KAT2B: variants seen among roughly 807,000 people sequenced by gnomAD.
The protein encoded by KAT2B is histone acetyltransferase KAT2B.
In KAT2B, 36 loss-of-function variants were observed where a neutral mutation model predicts 105.9. That is an observed-to-expected ratio of 0.34 (90% CI 0.26 to 0.45). KAT2B has a LOEUF of 0.45. Among genes scored for constraint, KAT2B ranks in the 20% least tolerant of loss-of-function variants. The pLI, the probability that KAT2B is intolerant of heterozygous loss-of-function variation, is 1.00. For missense variants in KAT2B, 820 were observed against 1,021.6 expected (o/e 0.80, Z 2.69); for synonymous variants, 397 against 377.9 (o/e 1.05, Z -0.59).
chr3:20,119,734 A>G lies in KAT2B; in HGVS notation c.1276+11A>G. The G allele has an allele frequency of 1.2e-6, 2 of 1,613,556 alleles. No individual in the cohort carries two copies. The highest frequency in any genetic ancestry group is 8.5e-7 in the Non-Finnish European group (1 of 1,179,662). ...TTGAGGCAAACCCAGGTAAGCTCTT[A>G]AGAGGGGATAAGAGAGGGCTGTGAC... is the stretch of plus-strand genomic sequence containing the variant. On this transcript the variant is annotated intron_variant, in intron 8 of 17. Coordinates refer to ENST00000263754, the MANE Select transcript of KAT2B (RefSeq NM_003884.5).
At position 20,146,435 on chromosome 3, in the gene KAT2B, G is replaced by T; in HGVS notation, c.2119+5G>T. On this transcript the variant is annotated splice_donor_5th_base_variant and intron_variant, in intron 14 of 17. Coordinates refer to ENST00000263754, the MANE Select transcript of KAT2B (RefSeq NM_003884.5). ...TAGAAAGCATTCCTGGAATTAGTAC[G>T]TATAGACCTTCTTTTAAAAGCGAAA... 3 of 1,527,016 alleles carry T rather than the reference G, an allele frequency of 2.0e-6. No individual in the cohort carries two copies. Among genetic ancestry groups the T allele is most frequent in the Non-Finnish European group, 2.7e-6 (3 of 1,114,532 alleles). 94.6% of individuals were successfully genotyped at this position (1,527,016 alleles called of 1,614,324 possible). A position where few individuals can be genotyped will look rare whatever the true frequency, so the allele number is the denominator to read the frequency against.
chr3:20,117,099 C>G (rs1263339020), intron 7 of KAT2B, among the ~76,000 whole-genome samples: 1 of 152,150 alleles, frequency 6.6e-6, no homozygotes, highest in Non-Finnish European at 1.5e-5. Flanking sequence ...TGTGTGAAAA[C>G]TCCCCTTGAC....
rs1575137159 is a variant in KAT2B, at chr3:20,106,677, C to T, written c.852-4919C>T. The stretch of plus-strand genomic sequence containing the variant: ...AATAACAATCTATGCTGTCTTCTAC[C>T]CTGGGAAGATTGAATAACCTGTTAA... On this transcript the variant is annotated intron_variant, in intron 5 of 17. Coordinates refer to ENST00000263754, the MANE Select transcript of KAT2B (RefSeq NM_003884.5). Among the ~76,000 whole-genome samples the T allele has an allele frequency of 2.0e-5, 3 of 151,922 alleles. No homozygotes were observed. In the South Asian group the frequency reaches 6.2e-4, roughly 32 times the overall value.
At chr3:20,044,075 A>G (rs1198366400) in intron 1 of KAT2B, among the ~76,000 whole-genome samples, 1 of 151,996 alleles carries the variant, frequency 6.6e-6, no homozygotes, top group Admixed American at 6.5e-5. Context: ...AAAAGAAAAA[A>G]AAAAAAGAAA....
chr3:20,040,665 C>T lies in KAT2B; in HGVS notation c.188C>T (p.Thr63Met), dbSNP rs1575098744. 2 of 1,532,054 alleles carry T rather than the reference C, an allele frequency of 1.3e-6. No individual in the cohort carries two copies. Among genetic ancestry groups the T allele is most frequent in the Non-Finnish European group, 1.7e-6 (2 of 1,145,752 alleles). 94.9% of individuals were successfully genotyped at this position (1,532,054 alleles called of 1,614,324 possible). ...GPATAVAAAG[T>M]AEGPGGGGSA... ...GCGACGGCAGTGGCTGCAGCGGGCACGGCCGAAGGACCGGGAGGCGGTGGC... is the reference window on the plus strand; with the variant it reads ...GCGACGGCAGTGGCTGCAGCGGGCATGGCCGAAGGACCGGGAGGCGGTGGC... The change falls in exon 1 of 18, where the codon ACG becomes ATG. Residue 63 changes from threonine to methionine, a missense_variant. Coordinates refer to ENST00000263754, the MANE Select transcript of KAT2B (RefSeq NM_003884.5).
At chr3:20,108,498 A>C (rs949862639) in intron 5 of KAT2B, among the ~76,000 whole-genome samples, 2 of 152,218 alleles carry the variant, frequency 1.3e-5, no homozygotes, top group African/African-American at 4.8e-5. Context: ...GACCACATAT[A>C]ATGACAGTAG....
intron 1 of KAT2B, among the ~76,000 whole-genome samples, chr3:20,062,287 AATAT>A (rs1234092405): frequency 6.4e-5 from 3 of 47,040 alleles, no homozygotes; most frequent in Admixed American, 6.1e-4. Flanking sequence ...TATAAAATAT[AATAT>A]ATAATATATA....
intron 11 of KAT2B, among the ~76,000 whole-genome samples, chr3:20,128,541 G>C (rs933540652): frequency 6.6e-6 from 1 of 151,992 alleles, no homozygotes; most frequent in African/African-American, 2.4e-5. Flanking sequence ...CTTTGGCTTA[G>C]GTCCCTTCCT....
intron 1 of KAT2B, among the ~76,000 whole-genome samples, chr3:20,064,247 G>A (rs1377033256): frequency 6.6e-6 from 1 of 152,050 alleles, no homozygotes; most frequent in Non-Finnish European, 1.5e-5. Context: ...ATATTGATGG[G>A]GGCATAGTGT....
At chr3:20,056,181 G>A (rs1304656115) in intron 1 of KAT2B, among the ~76,000 whole-genome samples, 3 of 152,190 alleles carry the variant, frequency 2.0e-5, no homozygotes, top group African/African-American at 4.8e-5. Flanking sequence ...CTAGGTATGA[G>A]TAGATGGTGT....
At chr3:20,111,052 C>T (rs182855622) in intron 5 of KAT2B, among the ~76,000 whole-genome samples, 18 of 152,298 alleles carry the variant, frequency 1.2e-4, no homozygotes, top group African/African-American at 4.3e-4. Flanking sequence ...ATAAATCTTA[C>T]ATTTTACTCA....
At chr3:20,132,224 A>G (rs1442074833) in intron 11 of KAT2B, among the ~76,000 whole-genome samples, 1 of 152,080 alleles carries the variant, frequency 6.6e-6, no homozygotes, top group African/African-American at 2.4e-5. Flanking sequence ...AAAATACAAA[A>G]TTAGCTGGGT....
In KAT2B at chr3:20,125,923, C is replaced by T. The variant is rs1165008131; in HGVS notation, c.1432C>T (p.His478Tyr). Residue 478 changes from histidine to tyrosine, a missense_variant, in exon 10 of 18, where the codon CAC becomes TAC. Transcript: ENST00000263754. ...LGPETNFLSAHSARDEAARLE... is the reference protein window; with the variant it reads ...LGPETNFLSAYSARDEAARLE... ...ATCTCAGACCAATTTTCTGTCAGCACACTCGGCCAGGGATGAGGCGGCAAG... is the reference window on the plus strand; with the variant it reads ...ATCTCAGACCAATTTTCTGTCAGCATACTCGGCCAGGGATGAGGCGGCAAG... The T allele has an allele frequency of 5.0e-6, 8 of 1,613,800 alleles. No individual in the cohort carries two copies. Among genetic ancestry groups the T allele is most frequent in the Admixed American group, 1.7e-5 (1 of 60,016 alleles).
chr3:20,147,056 C>A (rs1699793750), intron 14 of KAT2B, among the ~76,000 whole-genome samples: 1 of 151,362 alleles, frequency 6.6e-6, no homozygotes, highest in Admixed American at 6.6e-5. Flanking sequence ...TAAACCATAC[C>A]AAATAGTTGT....
intron 1 of KAT2B, among the ~76,000 whole-genome samples, chr3:20,054,818 G>T (rs1039726535): frequency 6.6e-6 from 1 of 152,136 alleles, no homozygotes; most frequent in Non-Finnish European, 1.5e-5. Context: ...CCCAGGATTG[G>T]CACATACTCA....
intron 1 of KAT2B, among the ~76,000 whole-genome samples, chr3:20,044,563 G>A (rs1488568316): frequency 6.6e-6 from 1 of 152,002 alleles, no homozygotes; most frequent in Non-Finnish European, 1.5e-5. Flanking sequence ...CGAGGGTTCA[G>A]GCACATGGTT....
intron 1 of KAT2B, among the ~76,000 whole-genome samples, chr3:20,054,144 T>A (rs1697964791): frequency 1.3e-5 from 2 of 152,032 alleles, no homozygotes. Flanking sequence ...TTTGTTTTTT[T>A]TTTGAGACGG....
intron 2 of KAT2B, among the ~76,000 whole-genome samples, chr3:20,087,069 T>G (rs1470560401): frequency 1.3e-5 from 2 of 152,190 alleles, no homozygotes; most frequent in Non-Finnish European, 2.9e-5. Context: ...CGTGAGCCAC[T>G]GCGCCTGGCT....
chr3:20,105,681 C>A (rs1205270863), intron 5 of KAT2B, among the ~76,000 whole-genome samples: 1 of 151,606 alleles, frequency 6.6e-6, no homozygotes, highest in African/African-American at 2.4e-5. Context: ...CCTGTGGTCC[C>A]AGCGACTCTG....
Sources: gnomAD v4.1 joint callset for allele counts (sites outside exome capture counted in the v4.1 genomes callset) on GRCh38, gnomAD v4.1.1 for gene constraint, MANE v1.5 for transcripts, NCBI Gene and HGNC (gene_info 2026-07-23, HGNC 2026-07-21) for gene names.